Variants in ADK observed in about 807,000 individuals in gnomAD.
The protein encoded by ADK is adenosine kinase.
A neutral mutation model predicts 44.7 loss-of-function variants in ADK; 24 were observed. That is an observed-to-expected ratio of 0.54 (90% CI 0.39 to 0.76). The LOEUF is 0.76. Among genes scored for constraint, ADK ranks in the 30% least tolerant of loss-of-function variants. ADK has a pLI of 0.00. For missense variants in ADK, 321 were observed against 425.1 expected, an observed-to-expected ratio of 0.76 and a Z score of 2.15; for synonymous variants, 128 against 142.6, an observed-to-expected ratio of 0.90 and a Z score of 0.73.
intron 7 of ADK, among the ~76,000 whole-genome samples, chr10:74,556,960 G>C (rs1850274615): frequency 6.6e-6 from 1 of 152,156 alleles, no homozygotes; most frequent in African/African-American, 2.4e-5. Flanking sequence ...ACTCTTACCA[G>C]ATACTTATTT....
At chr10:74,634,214 T>TA (rs1192990051) in intron 9 of ADK, among the ~76,000 whole-genome samples, 15 of 152,086 alleles carry the variant, frequency 9.9e-5, no homozygotes, top group African/African-American at 2.9e-4. Flanking sequence ...TTTATTTATT[T>TA]TTTTTTTTTG....
chr10:74,483,361 G>A (rs1463657773), intron 6 of ADK, among the ~76,000 whole-genome samples: 1 of 152,188 alleles, frequency 6.6e-6, no homozygotes, highest in Non-Finnish European at 1.5e-5. Context: ...CCCTGAGCCT[G>A]GCCTAGGAAA....
intron 6 of ADK, among the ~76,000 whole-genome samples, chr10:74,401,367 C>T (rs1055021511): frequency 4.6e-5 from 7 of 152,166 alleles, no homozygotes; most frequent in Non-Finnish European, 2.9e-5. Flanking sequence ...TCTCTAAGGA[C>T]TTGCTTTATG....
intron 2 of ADK, among the ~76,000 whole-genome samples, chr10:74,224,192 A>G (rs1318219272): frequency 6.6e-6 from 1 of 152,236 alleles, no homozygotes; most frequent in Non-Finnish European, 1.5e-5. Context: ...CTATATATTT[A>G]ATGAATGATT....
At chr10:74,467,342 A>G (rs1267420297) in intron 6 of ADK, among the ~76,000 whole-genome samples, 4 of 152,178 alleles carry the variant, frequency 2.6e-5, no homozygotes, top group Non-Finnish European at 5.9e-5. Context: ...ATGAAGAACA[A>G]TAAACTGCCA....
chr10:74,371,039 A>G (rs1030915296), intron 4 of ADK, among the ~76,000 whole-genome samples: 1 of 152,196 alleles, frequency 6.6e-6, no homozygotes, highest in South Asian at 2.1e-4. Flanking sequence ...TCCTTTTCAA[A>G]CAACACATTA....
chr10:74,240,056 T>G, intron 3 of ADK, among the ~76,000 whole-genome samples: 1 of 151,372 alleles, frequency 6.6e-6, no homozygotes, highest in East Asian at 1.9e-4. Context: ...ACTCTGTCAC[T>G]CAGGCTGGAG....
At chr10:74,562,426 T>A (rs1019121960) in intron 7 of ADK, among the ~76,000 whole-genome samples, 1 of 152,102 alleles carries the variant, frequency 6.6e-6, no homozygotes, top group Non-Finnish European at 1.5e-5. Context: ...AGCTTCTGAT[T>A]TGGGGATGGA....
At chr10:74,198,998 A>G (rs1843264942) in intron 1 of ADK, among the ~76,000 whole-genome samples, 1 of 152,214 alleles carries the variant, frequency 6.6e-6, no homozygotes, top group Admixed American at 6.5e-5. Context: ...ACATTTTTAG[A>G]TGAAAAGATG....
At chr10:74,253,512 A>T (rs78054806) in intron 3 of ADK, among the ~76,000 whole-genome samples, 1 of 152,104 alleles carries the variant, frequency 6.6e-6, no homozygotes, top group African/African-American at 2.4e-5. Context: ...CTGTCTCTAG[A>T]GTCAAGTCCT....
intron 1 of ADK, chr10:74,174,575 G>A (rs149213365): frequency 2.6e-5 from 4 of 152,236 alleles, no homozygotes; most frequent in African/African-American, 9.6e-5. Context: ...AAGCACTGAT[G>A]GTGTGAAATG....
At chr10:74,222,883 G>A (rs1219815056) in intron 2 of ADK, among the ~76,000 whole-genome samples, 1 of 147,924 alleles carries the variant, frequency 6.8e-6, no homozygotes, top group African/African-American at 2.5e-5. Flanking sequence ...AGGGGGGAGC[G>A]ATAGCATTGG....
At chr10:74,471,237 G>A (rs1846578254) in intron 6 of ADK, among the ~76,000 whole-genome samples, 2 of 151,970 alleles carry the variant, frequency 1.3e-5, no homozygotes, top group African/African-American at 4.8e-5. Context: ...ACCACGCCTG[G>A]CTAATTTTTT....
intron 3 of ADK, among the ~76,000 whole-genome samples, chr10:74,255,711 C>A (rs1423814865): frequency 6.6e-6 from 1 of 152,166 alleles, no homozygotes; most frequent in African/African-American, 2.4e-5. Context: ...TTGCCACCAA[C>A]AAAATTAGCT....
At chr10:74,450,761 G>A (rs1318170805) in intron 6 of ADK, among the ~76,000 whole-genome samples, 2 of 152,116 alleles carry the variant, frequency 1.3e-5, no homozygotes, top group Non-Finnish European at 2.9e-5. Flanking sequence ...CATATTAATA[G>A]CTTTTCTGTT....
chr10:74,705,037 G>A (rs1422675615), intron 10 of ADK, among the ~76,000 whole-genome samples: 1 of 152,152 alleles, frequency 6.6e-6, no homozygotes, highest in Non-Finnish European at 1.5e-5. Context: ...CTTTGGTTGG[G>A]AATACTTATT....
intron 4 of ADK, among the ~76,000 whole-genome samples, chr10:74,321,003 A>G (rs1237611850): frequency 6.6e-6 from 1 of 152,146 alleles, no homozygotes; most frequent in Non-Finnish European, 1.5e-5. Flanking sequence ...TTGGAGATTC[A>G]TAGTATTATG....
At chr10:74,469,653 C>T (rs894308912) in intron 6 of ADK, among the ~76,000 whole-genome samples, 9 of 152,150 alleles carry the variant, frequency 5.9e-5, no homozygotes, top group Non-Finnish European at 1.3e-4. Flanking sequence ...CATAAGCCAC[C>T]GTGCCCAGTC....
chr10:74,486,202 G>C (rs1274899415), intron 6 of ADK, among the ~76,000 whole-genome samples: 1 of 152,058 alleles, frequency 6.6e-6, no homozygotes, highest in African/African-American at 2.4e-5. Context: ...AAGTGTAGTT[G>C]TCTTTTCCAC....
Sources: gnomAD v4.1 joint callset for allele counts (sites outside exome capture counted in the v4.1 genomes callset) on GRCh38, gnomAD v4.1.1 for gene constraint, MANE v1.5 for transcripts, NCBI Gene and HGNC (gene_info 2026-07-23, HGNC 2026-07-21) for gene names.